PRKAG2: variants seen among roughly 807,000 people sequenced by gnomAD.
PRKAG2 encodes the protein 5'-AMP-activated protein kinase subunit gamma-2.
Under a neutral mutation model 69.6 loss-of-function variants are expected in PRKAG2, and 26 were observed. The ratio of observed to expected loss-of-function variants is 0.37; its 90% confidence interval spans 0.27 to 0.52. The LOEUF is 0.52. PRKAG2 is among the 20% of genes least tolerant of loss of function. PRKAG2 has a pLI of 0.90. For synonymous variants in PRKAG2, 293 were observed against 285.0 expected (o/e 1.03, Z -0.28); for missense variants, 557 against 740.0 (o/e 0.75, Z 2.87).
At chr7:151,816,931 C>A (rs906582837) in intron 1 of PRKAG2, among the ~76,000 whole-genome samples, 2 of 152,168 alleles carry the variant, frequency 1.3e-5, no homozygotes. Flanking sequence ...AGGTTTGCTA[C>A]GCTTGGAGAC....
intron 5 of PRKAG2, among the ~76,000 whole-genome samples, chr7:151,603,757 C>G (rs1816809386): frequency 6.6e-6 from 1 of 152,084 alleles, no homozygotes; most frequent in African/African-American, 2.4e-5. Context: ...TGTCAGGTTT[C>G]TCCAAGTAGA....
At chr7:151,565,929 T>A (rs369691063) in intron 11 of PRKAG2, 44 bp from the exon 12 acceptor site, 57 of 1,571,806 alleles carry the variant, frequency 3.6e-5, no homozygotes, top group Non-Finnish European at 4.9e-5. Context: ...CAGAACACAC[T>A]CTTGTCATGT....
chr7:151,653,329 C>A (rs940335579), intron 4 of PRKAG2, among the ~76,000 whole-genome samples: 5 of 152,102 alleles, frequency 3.3e-5, no homozygotes, highest in Non-Finnish European at 5.9e-5. Context: ...TTAGACTATT[C>A]TAGTGCTGAT....
At chr7:151,714,315 G>T (rs527348093) in intron 3 of PRKAG2, among the ~76,000 whole-genome samples, 1 of 149,648 alleles carries the variant, frequency 6.7e-6, no homozygotes, top group African/African-American at 2.5e-5. Context: ...CAGGGCTTCC[G>T]AGAGAGCCGT....
At chr7:151,560,458 C>T in intron 15 of PRKAG2, 66 bp downstream of exon 15, 1 of 1,613,132 alleles carries the variant, frequency 6.2e-7, no homozygotes, top group African/African-American at 1.3e-5. Flanking sequence ...TTAAATGCTG[C>T]ACTTCCTGTT....
chr7:151,773,048 AGAGAGGGAGGGAGGGAGGGAG>A (rs2076139009), intron 3 of PRKAG2, among the ~76,000 whole-genome samples: 10 of 34,544 alleles, frequency 2.9e-4, no homozygotes, highest in African/African-American at 1.4e-3. Flanking sequence ...AGAGAGAGAG[AGAGAGGGAGGGAGGGAGGGAG>A]GGAGGGAGGG....
intron 3 of PRKAG2, among the ~76,000 whole-genome samples, chr7:151,682,251 CT>C (rs896209450): frequency 1.3e-5 from 2 of 152,036 alleles, no homozygotes; most frequent in South Asian, 4.1e-4. Context: ...TCCCTCATTA[CT>C]TTTTTTGAGA....
In PRKAG2 at chr7:151,699,074, C is replaced by G. The variant is rs1837217408; in HGVS notation, c.467-23437G>C. Reference sequence around the variant, plus strand: ...AGGGTACAGGAAATGACCTGCAAGTCTGCAGAGCCAGTCTGCAAACTCTGG... The same window carrying G: ...AGGGTACAGGAAATGACCTGCAAGTGTGCAGAGCCAGTCTGCAAACTCTGG... On this transcript the variant is annotated intron_variant, in intron 3 of 15. Transcript: ENST00000287878. The surrounding 1 kb of genome is among the most constrained non-coding windows in gnomAD (Gnocchi z 4.5). Among the ~76,000 whole-genome samples the G allele has an allele frequency of 6.6e-6, 1 of 152,220 alleles. No individual in the cohort carries two copies. The highest frequency in any genetic ancestry group is 1.5e-5 in the Non-Finnish European group (1 of 68,040).
At chr7:151,620,020 C>CA (rs1821100611) in intron 5 of PRKAG2, among the ~76,000 whole-genome samples, 1 of 151,534 alleles carries the variant, frequency 6.6e-6, no homozygotes, top group South Asian at 2.1e-4. Context: ...GACTCCGTCT[C>CA]AAAAATAAAA....
chr7:151,571,673 C>T (rs1807616814), intron 9 of PRKAG2, among the ~76,000 whole-genome samples: 1 of 152,172 alleles, frequency 6.6e-6, no homozygotes, highest in South Asian at 2.1e-4. Context: ...AATCACTGCA[C>T]AACAGACTGT....
At chr7:151,707,589 C>T (rs1187096570) in intron 3 of PRKAG2, among the ~76,000 whole-genome samples, 1 of 152,156 alleles carries the variant, frequency 6.6e-6, no homozygotes, top group Non-Finnish European at 1.5e-5. Context: ...CCGCTCTCCT[C>T]TCTGGTGGGG....
In PRKAG2 at chr7:151,756,010, G is replaced by A. The variant is rs943352286; in HGVS notation, c.466+25142C>T. ...AAGTCCTCAGTGTCTCTACCTGTGC[G>A]CAAACACAAATACTTCCACTGCCCT... On this transcript the variant is annotated intron_variant, in intron 3 of 15. Coordinates refer to ENST00000287878, the MANE Select transcript of PRKAG2 (RefSeq NM_016203.4). This position sits in a 1 kb window ranked among gnomAD's most constrained non-coding sequence, Gnocchi z 4.9. 6.6e-6 allele frequency among the ~76,000 whole-genome samples: 1 copy of A among 152,144 alleles called. No homozygotes were observed. Among genetic ancestry groups the A allele is most frequent in the African/African-American group, 2.4e-5 (1 of 41,414 alleles).
At chr7:151,561,990 T>C (rs1313634453) in intron 14 of PRKAG2, among the ~76,000 whole-genome samples, 2 of 146,886 alleles carry the variant, frequency 1.4e-5, no homozygotes, top group Non-Finnish European at 1.5e-5. Context: ...CTCACGCCTG[T>C]AATCCCAGCA....
intron 3 of PRKAG2, among the ~76,000 whole-genome samples, chr7:151,752,407 C>T (rs1453764728): frequency 6.6e-6 from 1 of 151,978 alleles, no homozygotes; most frequent in Non-Finnish European, 1.5e-5. Flanking sequence ...ACTTAAGAGG[C>T]AGAGGGTGGG....
intron 7 of PRKAG2, 75 bp from the exon 8 acceptor site, chr7:151,575,024 A>C (rs1808550674): frequency 4.4e-6 from 7 of 1,582,740 alleles, no homozygotes; most frequent in Non-Finnish European, 6.0e-6. Flanking sequence ...AAGTGAGCCT[A>C]GAATATATGC....
intron 3 of PRKAG2, among the ~76,000 whole-genome samples, chr7:151,679,885 C>T (rs1833576022): frequency 6.7e-6 from 1 of 148,716 alleles, no homozygotes; most frequent in African/African-American, 2.5e-5. Context: ...GGCAACATGG[C>T]AAGACCCTGT....
intron 4 of PRKAG2, among the ~76,000 whole-genome samples, chr7:151,662,855 C>T (rs557788593): frequency 1.2e-4 from 19 of 152,302 alleles, no homozygotes; most frequent in African/African-American, 4.6e-4. Context: ...GCTATGATCA[C>T]ACTCCAGCAT....
chr7:151,796,520 G>A (rs1368454763), intron 1 of PRKAG2, among the ~76,000 whole-genome samples: 1 of 152,254 alleles, frequency 6.6e-6, no homozygotes, highest in African/African-American at 2.4e-5. Context: ...CTTGGCAGCA[G>A]AGTGGGGCAA....
chr7:151,708,288 C>T (rs1353011757), intron 3 of PRKAG2, among the ~76,000 whole-genome samples: 3 of 152,214 alleles, frequency 2.0e-5, no homozygotes, highest in Non-Finnish European at 2.9e-5. Context: ...TCTGAAAGGC[C>T]GCATTAGTGA....
Sources: gnomAD v4.1 joint callset for allele counts (sites outside exome capture counted in the v4.1 genomes callset) on GRCh38, gnomAD v4.1.1 for gene constraint, Gnocchi (gnomAD v3.1) non-coding constraint, MANE v1.5 for transcripts, NCBI Gene and HGNC (gene_info 2026-07-23, HGNC 2026-07-21) for gene names.